The following ZFAND6 variants were observed in gnomAD, a reference collection of about 807,000 sequenced individuals.
ZFAND6 encodes the protein AN1-type zinc finger protein 6.
In ZFAND6, 12 loss-of-function variants were observed where a neutral mutation model predicts 24.5. The ratio of observed to expected loss-of-function variants is 0.49; its 90% CI spans 0.31 to 0.79. ZFAND6 has a LOEUF of 0.79. Ranked by LOEUF, ZFAND6 falls within the 30% of genes least tolerant of loss-of-function variation. The pLI is 0.04. For missense variants in ZFAND6, 207 were observed against 245.9 expected (o/e 0.84, Z 1.06); for synonymous variants, 92 against 81.5 (o/e 1.13, Z -0.69).
chr15:80,062,211 G>A (rs1374353137), intron 1 of ZFAND6, among the ~76,000 whole-genome samples: 1 of 152,104 alleles, frequency 6.6e-6, no homozygotes, highest in East Asian at 1.9e-4. Context: ...AAAGAAACTT[G>A]TCCTAAGCTT....
At chr15:80,100,396 C>T (rs1201714653) in intron 2 of ZFAND6, among the ~76,000 whole-genome samples, 2 of 152,084 alleles carry the variant, frequency 1.3e-5, no homozygotes, top group African/African-American at 2.4e-5. Context: ...AGAGAACACA[C>T]AATAGGGAAG....
chr15:80,083,379 A>G (rs1018705850), intron 1 of ZFAND6, among the ~76,000 whole-genome samples: 2 of 152,222 alleles, frequency 1.3e-5, no homozygotes, highest in Admixed American at 6.5e-5. Context: ...TTCTTAAGCA[A>G]CTACTGGGTG....
intron 1 of ZFAND6, among the ~76,000 whole-genome samples, chr15:80,082,175 T>C (rs1162484772): frequency 1.3e-5 from 2 of 152,178 alleles, no homozygotes; most frequent in African/African-American, 4.8e-5. Context: ...GGTGTGACTG[T>C]GAGCAGTGGT....
At chr15:80,095,949 G>C (rs1417320244) in intron 1 of ZFAND6, among the ~76,000 whole-genome samples, 7 of 152,082 alleles carry the variant, frequency 4.6e-5, no homozygotes, top group Admixed American at 4.6e-4. Context: ...TTAACATATG[G>C]TATCCAAATC....
chr15:80,130,975 T>G (rs570657690), intron 5 of ZFAND6: 1 of 421,548 alleles, frequency 2.4e-6, no homozygotes, highest in South Asian at 9.3e-5. Flanking sequence ...TCATTACATA[T>G]TCTAGATTAT....
chr15:80,127,893 T>G (rs757875080), intron 5 of ZFAND6, among the ~76,000 whole-genome samples: 1 of 152,060 alleles, frequency 6.6e-6, no homozygotes, highest in African/African-American at 2.4e-5. Flanking sequence ...TGTACACAAG[T>G]GTTCGTAGCA....
chr15:80,080,987 G>T (rs1356282163), intron 1 of ZFAND6, among the ~76,000 whole-genome samples: 2 of 152,200 alleles, frequency 1.3e-5, no homozygotes, highest in Non-Finnish European at 2.9e-5. Context: ...CGATACTGGG[G>T]ATTACAGTTC....
intron 1 of ZFAND6, among the ~76,000 whole-genome samples, chr15:80,065,001 CCT>C (rs137931323): frequency 0.42 from 56,311 of 133,228 alleles, 12,114 homozygotes; most frequent in Non-Finnish European, 0.48. Flanking sequence ...TCTCTCTCCC[CCT>C]TTTTTTTTTT....
In ZFAND6 at chr15:80,105,044, A is replaced by G. The variant is rs16971742; in HGVS notation, c.-18+6466A>G. ...TTGTGGGTTTAAGTTCAGACTCCTT[A>G]TCATGGAAACACAGATTTTGTGATG... On this transcript the variant is annotated intron_variant, in intron 2 of 6. Transcript: ENST00000261749. 3.3e-3 allele frequency among the ~76,000 whole-genome samples: 495 copies of G among 152,276 alleles called. 4 individuals carry two copies. The highest frequency in any genetic ancestry group is 0.011 in the African/African-American group (473 of 41,544).
intron 6 of ZFAND6, among the ~76,000 whole-genome samples, chr15:80,136,030 G>T (rs772364432): frequency 6.6e-6 from 1 of 152,004 alleles, no homozygotes; most frequent in African/African-American, 2.4e-5. Flanking sequence ...GAAGGCTGAG[G>T]TGGAAGGATT....
intron 5 of ZFAND6, chr15:80,123,177 T>C (rs2040222358): frequency 6.3e-6 from 1 of 159,724 alleles, no homozygotes; most frequent in Non-Finnish European, 1.4e-5. Context: ...TGACTCATTA[T>C]CTGAGAGACT....
intron 1 of ZFAND6, among the ~76,000 whole-genome samples, chr15:80,089,954 C>T (rs2038252164): frequency 6.6e-6 from 1 of 152,144 alleles, no homozygotes; most frequent in African/African-American, 2.4e-5. Flanking sequence ...CATCCTCATT[C>T]AAAATATTAA....
intron 1 of ZFAND6, among the ~76,000 whole-genome samples, chr15:80,079,791 C>T (rs2037538725): frequency 1.3e-5 from 2 of 151,044 alleles, no homozygotes; most frequent in Admixed American, 1.3e-4. Flanking sequence ...GCTGGGACTA[C>T]AGGCGCCCGC....
In ZFAND6 at chr15:80,120,483, A is replaced by G. The variant is rs1466616945; in HGVS notation, c.139A>G (p.Arg47Gly). ...HLQRQNSSNG[R>G]ISPPATSVSS... ...TCAAAGACAGAATAGTAGTAATGGT[A>G]GAATAAGCCCACCTGGTAAGTAATT... Residue 47 changes from arginine (R) to glycine (G), a missense_variant, in exon 3 of 7, where the codon AGA becomes GGA. Physicochemically the swap from Arg to Gly is moderately radical, Grantham distance 125. Transcript: ENST00000261749. 2 of 1,547,640 alleles carry G rather than the reference A, an allele frequency of 1.3e-6. No homozygotes were observed. Among genetic ancestry groups the G allele is most frequent in the Non-Finnish European group, 8.8e-7 (1 of 1,140,332 alleles).
chr15:80,082,631 A>G (rs2037743695), intron 1 of ZFAND6, among the ~76,000 whole-genome samples: 1 of 152,212 alleles, frequency 6.6e-6, no homozygotes, highest in Admixed American at 6.5e-5. Context: ...ATCACTGTCA[A>G]GTGACTTTCT....
chr15:80,134,233 G>A (rs910794459), intron 6 of ZFAND6, among the ~76,000 whole-genome samples: 21 of 151,970 alleles, frequency 1.4e-4, no homozygotes, highest in African/African-American at 4.4e-4. Context: ...CAGGTGATCC[G>A]TCCACCTCAG....
intron 1 of ZFAND6, among the ~76,000 whole-genome samples, chr15:80,069,276 A>G (rs1420378725): frequency 6.6e-6 from 1 of 152,226 alleles, no homozygotes; most frequent in Non-Finnish European, 1.5e-5. Flanking sequence ...TGAGTATTAT[A>G]AATGCCTTCT....
At chr15:80,092,449 A>T (rs569145257) in intron 1 of ZFAND6, among the ~76,000 whole-genome samples, 2 of 152,318 alleles carry the variant, frequency 1.3e-5, no homozygotes, top group African/African-American at 4.8e-5. Flanking sequence ...AAACAAAACA[A>T]CTGCGTATCC....
chr15:80,129,078 A>G (rs2040486775), intron 5 of ZFAND6, among the ~76,000 whole-genome samples: 1 of 152,194 alleles, frequency 6.6e-6, no homozygotes, highest in South Asian at 2.1e-4. Flanking sequence ...TTCTGATTGC[A>G]AGGTAAGCTG....
Sources: gnomAD v4.1 joint callset for allele counts (sites outside exome capture counted in the v4.1 genomes callset) on GRCh38, gnomAD v4.1.1 for gene constraint, MANE v1.5 for transcripts, NCBI Gene and HGNC (gene_info 2026-07-23, HGNC 2026-07-21) for gene names.